The following MANSC1 variants were observed in gnomAD, a reference collection of about 807,000 sequenced individuals.
MANSC1 encodes the protein MANSC domain-containing protein 1.
Under a neutral mutation model 14.1 loss-of-function variants are expected in MANSC1, and 13 were observed. The ratio of observed to expected loss-of-function variants is 0.92; its 90% confidence interval spans 0.60 to 1.46. The LOEUF (loss-of-function observed/expected upper bound fraction) is 1.46, where lower values mean the gene tolerates loss of function less well. Among genes scored for constraint, MANSC1 ranks in the 40% most tolerant of loss-of-function variants. The pLI is 0.00. For synonymous variants in MANSC1, 227 were observed against 200.7 expected, an observed-to-expected ratio of 1.13 and a Z score of -1.11; for missense variants, 486 against 511.4, an observed-to-expected ratio of 0.95 and a Z score of 0.48.
In MANSC1 at chr12:12,330,398, C is replaced by T. The variant is rs544334615; in HGVS notation, c.925G>A (p.Ala309Thr). 1 of 1,614,172 alleles carries T rather than the reference C, an allele frequency of 6.2e-7. No homozygotes were observed. The highest frequency in any genetic ancestry group is 1.3e-5 in the African/African-American group (1 of 75,048). ...TTAVLTTTFQ[A>T]PTDSKGSLET... ...AAGCTGCCTTTCGAGTCCGTAGGTG[C>T]CTGAAAGGTGGTAGTCAGAACTGCT... The change falls in exon 4 of 4, where the codon GCA (alanine) becomes ACA (threonine). Residue 309 changes from alanine (A) to threonine (T), a missense_variant. Physicochemically the swap from Ala to Thr is moderately conservative, Grantham distance 58. Coordinates refer to ENST00000535902, the MANE Select transcript of MANSC1 (RefSeq NM_018050.4).
chr12:12,331,419 G>A (rs767526671), intron 3 of MANSC1, among the ~76,000 whole-genome samples: 2 of 152,172 alleles, frequency 1.3e-5, no homozygotes, highest in Non-Finnish European at 2.9e-5. Flanking sequence ...GCAGCAAGAG[G>A]CTTACAAAGA....
intron 3 of MANSC1, among the ~76,000 whole-genome samples, chr12:12,335,823 A>C (rs1398919340): frequency 2.0e-5 from 3 of 151,524 alleles, no homozygotes; most frequent in African/African-American, 7.3e-5. Context: ...GCCTGGGTGA[A>C]AAGAGTGAGA....
chr12:12,339,104 C>A, intron 2 of MANSC1: 1 of 161,362 alleles, frequency 6.2e-6, no homozygotes. Context: ...ATGCCAGGGC[C>A]GGCAAGCACC....
chr12:12,330,028 T>C lies in MANSC1; in HGVS notation c.1295A>G (p.Ter432=), dbSNP rs759020262. The part of the protein sequence containing the change: ...YLINGIYVDI[*] ...ATTAAGAGACACCGAGTTCCATCCTTAGATGTCCACATAGATCCCATTGAT... is the reference window on the plus strand; with the variant it reads ...ATTAAGAGACACCGAGTTCCATCCTCAGATGTCCACATAGATCCCATTGAT... The change falls in exon 4 of 4, where the codon TAA becomes TGA. Residue 432 remains the stop codon, a stop_retained_variant. Transcript: ENST00000535902. The C allele has an allele frequency of 7.4e-6, 12 of 1,611,974 alleles. 1 individual carries two copies. In the South Asian group the frequency reaches 1.3e-4, roughly 18 times the overall value.
At position 12,328,057 on chromosome 12, in the gene MANSC1, G is replaced by A. The variant is rs759080159; in HGVS notation, c.*1970C>T. The A allele has an allele frequency of 6.6e-6, 1 of 152,172 alleles. No individual in the cohort carries two copies. The highest frequency in any genetic ancestry group is 1.5e-5 in the Non-Finnish European group (1 of 68,046). 9.4% of individuals were successfully genotyped at this position (152,172 alleles called of 1,614,324 possible). Reference sequence around the variant, plus strand: ...CATTTTTATCTTTAAAAACTCTGGTGACACTTGGAAGGGATCAAATTTCCT... The same window carrying A: ...CATTTTTATCTTTAAAAACTCTGGTAACACTTGGAAGGGATCAAATTTCCT... On this transcript the variant is annotated 3_prime_UTR_variant, in exon 4 of 4. Coordinates refer to ENST00000535902, the MANE Select transcript of MANSC1 (RefSeq NM_018050.4).
intron 2 of MANSC1, 55 bp from the exon 3 acceptor site, chr12:12,338,615 G>C (rs756866470): frequency 1.3e-6 from 2 of 1,564,390 alleles, no homozygotes; most frequent in Non-Finnish European, 1.7e-6. Flanking sequence ...CTAAAGAGTA[G>C]GGCAAGTAGG....
rs1862775419 is a variant in MANSC1, at chr12:12,330,704, A to G, written c.619T>C (p.Ser207Pro). 6.2e-7 allele frequency: 1 copy of G among 1,614,082 alleles called. No individual in the cohort carries two copies. The highest frequency in any genetic ancestry group is 1.7e-5 in the Admixed American group (1 of 59,994). Residue 207 changes from serine to proline, a missense_variant, in exon 4 of 4, where the codon TCA (serine) becomes CCA (proline). Ser to Pro is a moderately conservative substitution (Grantham distance 74). Coordinates refer to ENST00000535902, the MANE Select transcript of MANSC1 (RefSeq NM_018050.4). Reference sequence around the variant, plus strand: ...ATTTCTTGATCAGAGGAAAATTGTGAACTCTGAGAATGGCCTTTTTCCTTA... The same window carrying G: ...ATTTCTTGATCAGAGGAAAATTGTGGACTCTGAGAATGGCCTTTTTCCTTA... ...AYKEKGHSQSSQFSSDQEIAH... is the reference protein window; with the variant it reads ...AYKEKGHSQSPQFSSDQEIAH...
At chr12:12,339,492 T>G (rs1592034022) in intron 2 of MANSC1, among the ~76,000 whole-genome samples, 1 of 152,150 alleles carries the variant, frequency 6.6e-6, no homozygotes, top group African/African-American at 2.4e-5. Context: ...AGTCTTGAAC[T>G]CCTGGGCTCA....
rs550779658 is a variant in MANSC1 at position 12,327,844 on chromosome 12, T to C, written c.*2183A>G. ...CTCTTAATGTACTTTATGAACTTAG[T>C]GTAAACCAGGGAAATGGGGGAGGGG... On this transcript the variant is annotated 3_prime_UTR_variant, in exon 4 of 4. Coordinates refer to ENST00000535902, the MANE Select transcript of MANSC1 (RefSeq NM_018050.4). 7 of 152,164 alleles carry C rather than the reference T, an allele frequency of 4.6e-5. No homozygotes were observed. The highest frequency in any genetic ancestry group is 1.4e-4 in the African/African-American group (6 of 41,474). The allele number at this position is 152,164 out of a possible 1,614,324, so 9.4% of individuals were successfully genotyped here.
rs1453485149 is a variant in MANSC1, at chr12:12,341,435, A to G, written c.223+1657T>C. On this transcript the variant is annotated intron_variant, in intron 2 of 3. Coordinates refer to ENST00000535902, the MANE Select transcript of MANSC1 (RefSeq NM_018050.4). ...TTTTATGATGGTCTCATTTTACACA[A>G]GCATGATTGATTAAGTCATGGGCCA... 2.6e-5 allele frequency among the ~76,000 whole-genome samples: 4 copies of G among 152,124 alleles called. No homozygotes were observed. In the East Asian group the frequency reaches 7.7e-4, roughly 29 times the overall value.
chr12:12,330,220 G>A lies in MANSC1; in HGVS notation c.1103C>T (p.Ser368Phe), dbSNP rs754375696. 6.2e-7 allele frequency: 1 copy of A among 1,614,200 alleles called. No homozygotes were observed. Among genetic ancestry groups the A allele is most frequent in the Non-Finnish European group, 8.5e-7 (1 of 1,180,040 alleles). ...CTGATTTTCTGGAACACTGCCCTGGGAGGAACTGCCTGGACTGGCCTCCCT... is the reference window on the plus strand; with the variant it reads ...CTGATTTTCTGGAACACTGCCCTGGAAGGAACTGCCTGGACTGGCCTCCCT... ...EGREASPGSS[S>F]QGSVPENQYG... The change falls in exon 4 of 4, where the codon TCC becomes TTC. Residue 368 changes from serine (S) to phenylalanine (F), a missense_variant. By Grantham distance (155) the Ser-to-Phe change is radical. Coordinates refer to ENST00000535902, the MANE Select transcript of MANSC1 (RefSeq NM_018050.4).
intron 1 of MANSC1, among the ~76,000 whole-genome samples, chr12:12,346,626 T>C (rs2135999047): frequency 6.6e-6 from 1 of 152,344 alleles, no homozygotes; most frequent in African/African-American, 2.4e-5. Flanking sequence ...GGACAGTCTT[T>C]TCCAAAAATG....
At chr12:12,335,571 C>T (rs1048963830) in intron 3 of MANSC1, among the ~76,000 whole-genome samples, 13 of 149,302 alleles carry the variant, frequency 8.7e-5, no homozygotes, top group African/African-American at 4.9e-5. Context: ...GAATTCCTGA[C>T]GTTGTGATCT....
rs1862750814 is a variant in MANSC1, at chr12:12,329,399, A to G, written c.*628T>C. 6.6e-6 allele frequency: 1 copy of G among 152,202 alleles called. No individual in the cohort carries two copies. Among genetic ancestry groups the G allele is most frequent in the Non-Finnish European group, 1.5e-5 (1 of 68,032 alleles). The allele number at this position is 152,202 out of a possible 1,614,324, so 9.4% of individuals were successfully genotyped here. A position where few individuals can be genotyped will look rare whatever the true frequency, so the allele number is the denominator to read the frequency against. ...ACAGTTGATTTTATCTGGAACCAAGAATGTGAATGAATTGGAACCTAGATG... is the reference window on the plus strand; with the variant it reads ...ACAGTTGATTTTATCTGGAACCAAGGATGTGAATGAATTGGAACCTAGATG... On this transcript the variant is annotated 3_prime_UTR_variant, in exon 4 of 4. Transcript: ENST00000535902.
chr12:12,340,103 C>A (rs1053871308), intron 2 of MANSC1, among the ~76,000 whole-genome samples: 7 of 152,318 alleles, frequency 4.6e-5, no homozygotes, highest in East Asian at 1.9e-4. Context: ...TGAGCTAATG[C>A]ACCCAGCTGC....
At chr12:12,349,073 G>A (rs1412236536) in intron 1 of MANSC1, among the ~76,000 whole-genome samples, 2 of 152,122 alleles carry the variant, frequency 1.3e-5, no homozygotes, top group Non-Finnish European at 2.9e-5. Flanking sequence ...TAAAGATATC[G>A]GCAATATTTA....
intron 3 of MANSC1, among the ~76,000 whole-genome samples, chr12:12,334,162 A>C (rs744645): frequency 0.089 from 13,570 of 151,916 alleles, 655 homozygotes; most frequent in Non-Finnish European, 0.11. Flanking sequence ...GGCTGAATGG[A>C]GAGGACTGCT....
rs907717974 is a variant in MANSC1 at position 12,328,754 on chromosome 12, C to T, written c.*1273G>A. ...CTGTAATCCCAGCACTTTGGGAGGCCGAGGCGGGCGGATCACAAGGTCAGG... is the reference window on the plus strand; with the variant it reads ...CTGTAATCCCAGCACTTTGGGAGGCTGAGGCGGGCGGATCACAAGGTCAGG... On this transcript the variant is annotated 3_prime_UTR_variant, in exon 4 of 4. Coordinates refer to ENST00000535902, the MANE Select transcript of MANSC1 (RefSeq NM_018050.4). 1.3e-5 allele frequency: 2 copies of T among 150,752 alleles called. No individual in the cohort carries two copies. Among genetic ancestry groups the T allele is most frequent in the Non-Finnish European group, 1.5e-5 (1 of 67,622 alleles). 9.3% of individuals were successfully genotyped at this position (150,752 alleles called of 1,614,324 possible). A position where few individuals can be genotyped will look rare whatever the true frequency, so the allele number is the denominator to read the frequency against.
Position 12,338,403 on chromosome 12 carries a change from T to C in MANSC1, c.364+17A>G. ...ATTATTCCAATCACAAAAGAAAAAG[T>C]ATAATGCTTTCATTACCTGTAATTA... On this transcript the variant is annotated intron_variant, in intron 3 of 3. Coordinates refer to ENST00000535902, the MANE Select transcript of MANSC1 (RefSeq NM_018050.4). 6.4e-7 allele frequency: 1 copy of C among 1,568,532 alleles called. No homozygotes were observed. The highest frequency in any genetic ancestry group is 1.4e-5 in the African/African-American group (1 of 72,474).
Sources: allele counts gnomAD v4.1 joint callset (sites outside exome capture counted in the v4.1 genomes callset), GRCh38; gene constraint gnomAD v4.1.1; transcripts MANE v1.5; gene names NCBI Gene and HGNC (gene_info 2026-07-23, HGNC 2026-07-21).